EIF3E: variants seen among roughly 807,000 people sequenced by gnomAD.
The protein encoded by EIF3E is eIF-3 p48.
A neutral mutation model predicts 59.3 loss-of-function variants in EIF3E; 25 were observed. The observed-to-expected ratio is 0.42, with a 90% CI of 0.31 to 0.59. The LOEUF is 0.59. Ranked by LOEUF, EIF3E falls within the 20% of genes least tolerant of loss-of-function variation. The pLI, the probability that EIF3E is intolerant of heterozygous loss-of-function variation, is 0.15. For synonymous variants in EIF3E, 176 were observed against 170.2 expected (o/e 1.03, Z -0.26); for missense variants, 317 against 534.3 (o/e 0.59, Z 4.01).
intron 10 of EIF3E, among the ~76,000 whole-genome samples, chr8:108,203,799 G>A (rs1815040908): frequency 6.6e-6 from 1 of 151,964 alleles, no homozygotes; most frequent in African/African-American, 2.4e-5. Context: ...CATTTGCCAG[G>A]TGCTCAAGAA....
At position 108,228,313 on chromosome 8, in the gene EIF3E, G is replaced by T; in HGVS notation, c.676C>A (p.Pro226Thr). The change falls in exon 7 of 13, where the codon CCC becomes ACC. Residue 226 changes from proline to threonine, a missense_variant. By Grantham distance (38) the Pro-to-Thr change is conservative (BLOSUM62 -1). Coordinates refer to ENST00000220849, the MANE Select transcript of EIF3E (RefSeq NM_001568.3). ...HWSLFVFFNH[P>T]KGRDNIIDLF... is the part of the protein sequence containing the mutation. ...TCAATAATATTATCGCGACCTTTGG[G>T]GTGATTGAAGAAAACAAACAGAGAC... 1 of 1,608,730 alleles carries T rather than the reference G, an allele frequency of 6.2e-7. No homozygotes were observed. The highest frequency in any genetic ancestry group is 1.1e-5 in the South Asian group (1 of 90,440).
rs190608506 is a variant in EIF3E, at chr8:108,202,003, G to A, written c.1300-80C>T. ...AACTAACATAGAAGAAAGTAACACAGCATTTACTTCAGCACTATAGTCTCT... is the reference window on the plus strand; with the variant it reads ...AACTAACATAGAAGAAAGTAACACAACATTTACTTCAGCACTATAGTCTCT... On this transcript the variant is annotated intron_variant, in intron 12 of 12. Transcript: ENST00000220849. 1.2e-5 allele frequency: 16 copies of A among 1,316,414 alleles called. No homozygotes were observed. The East Asian group carries it at 4.2e-4, about 34-fold the overall frequency. The allele number at this position is 1,316,414 out of a possible 1,614,324, so 81.5% of individuals were successfully genotyped here.
chr8:108,248,709 A>G lies in EIF3E; in HGVS notation c.-7T>C, dbSNP rs1469930098. The G allele has an allele frequency of 5.0e-6, 8 of 1,614,026 alleles. No homozygotes were observed. In the Admixed American group the frequency reaches 8.3e-5, roughly 17 times the overall value. ...TCAAGTCGTACTCCGCCATCTTGCC[A>G]AAGAAAAGGGAGTCTGTGCTCACTA... On this transcript the variant is annotated 5_prime_UTR_variant, in exon 1 of 13. Coordinates refer to ENST00000220849, the MANE Select transcript of EIF3E (RefSeq NM_001568.3).
intron 3 of EIF3E, among the ~76,000 whole-genome samples, chr8:108,237,925 G>A (rs1437306229): frequency 2.6e-5 from 4 of 152,172 alleles, no homozygotes; most frequent in Non-Finnish European, 1.5e-5. Flanking sequence ...TTGAAAATAG[G>A]TAGTCTGTAA....
intron 5 of EIF3E, among the ~76,000 whole-genome samples, chr8:108,232,445 G>C (rs570223594): frequency 6.6e-6 from 1 of 152,198 alleles, no homozygotes; most frequent in African/African-American, 2.4e-5. Flanking sequence ...CACAAGATTT[G>C]TTAGGGGCAA....
intron 2 of EIF3E, among the ~76,000 whole-genome samples, chr8:108,241,307 A>T (rs1247272281): frequency 6.6e-6 from 1 of 152,188 alleles, no homozygotes; most frequent in Non-Finnish European, 1.5e-5. Context: ...ACCACTTAAC[A>T]GTTTTGATTA....
At chr8:108,216,214 A>G (rs781618025) in intron 9 of EIF3E, among the ~76,000 whole-genome samples, 198 bp downstream of exon 9, 8 of 152,212 alleles carry the variant, frequency 5.3e-5, no homozygotes, top group Admixed American at 3.3e-4. Flanking sequence ...GCACATTCCC[A>G]TTTTAAGATT....
intron 5 of EIF3E, 47 bp from the exon 6 acceptor site, chr8:108,229,242 A>G: frequency 6.3e-7 from 1 of 1,586,368 alleles, no homozygotes; most frequent in Non-Finnish European, 8.6e-7. Context: ...CTCTTGAAAA[A>G]TGAACATAAT....
chr8:108,240,921 A>G (rs1466573716), intron 2 of EIF3E, among the ~76,000 whole-genome samples: 1 of 152,068 alleles, frequency 6.6e-6, no homozygotes, highest in Non-Finnish European at 1.5e-5. Context: ...CGGAGCTTAC[A>G]GTGAGCCGAG....
intron 7 of EIF3E, among the ~76,000 whole-genome samples, chr8:108,223,908 G>A (rs6998870): frequency 0.013 from 1,944 of 151,326 alleles, 119 homozygotes; most frequent in African/African-American, 0.045. Flanking sequence ...GATCTCTAAC[G>A]TACTTTTATA....
chr8:108,231,540 G>A (rs1207410075), intron 5 of EIF3E, among the ~76,000 whole-genome samples: 1 of 152,080 alleles, frequency 6.6e-6, no homozygotes, highest in East Asian at 1.9e-4. Flanking sequence ...GGGAGGGAAA[G>A]AGACAGCTCC....
rs1336302491 is a variant in EIF3E at position 108,217,432 on chromosome 8, G to C, written c.751C>G (p.Pro251Ala). 2.5e-6 allele frequency: 4 copies of C among 1,602,720 alleles called. No homozygotes were observed. In the East Asian group the frequency reaches 9.0e-5, roughly 36 times the overall value. The change falls in exon 8 of 13, where the codon CCA becomes GCA. Residue 251 changes from proline (P) to alanine (A), a missense_variant. Pro to Ala is a conservative substitution (Grantham distance 27). Around this residue, in one of 4 missense-constraint regions of EIF3E, gnomAD observed 242 missense variants for 398.0 expected, o/e 0.61. Coordinates refer to ENST00000220849, the MANE Select transcript of EIF3E (RefSeq NM_001568.3). ...GTAGTCAAATAGCGAAGAATGTGTG[G>C]ACACATTGTCTGAATTGCATTAAGA... ...QYLNAIQTMCPHILRYLTTAV... is the reference protein window; with the variant it reads ...QYLNAIQTMCAHILRYLTTAV...
At chr8:108,231,528 G>C (rs189151071) in intron 5 of EIF3E, among the ~76,000 whole-genome samples, 1 of 152,218 alleles carries the variant, frequency 6.6e-6, no homozygotes, top group Admixed American at 6.5e-5. Flanking sequence ...TTTACATCCT[G>C]AGGGAGGGAA....
At chr8:108,235,372 C>A (rs545712011) in intron 4 of EIF3E, among the ~76,000 whole-genome samples, 1 of 152,328 alleles carries the variant, frequency 6.6e-6, no homozygotes, top group East Asian at 1.9e-4. Flanking sequence ...AACTGTTCCA[C>A]CTCAGATCAT....
chr8:108,224,638 GTCA>G (rs1815485715), intron 7 of EIF3E, among the ~76,000 whole-genome samples: 1 of 151,572 alleles, frequency 6.6e-6, no homozygotes, highest in African/African-American at 2.4e-5. Flanking sequence ...ACAACTAAAA[GTCA>G]TCATACTACT....
intron 2 of EIF3E, 119 bp from the exon 3 acceptor site, chr8:108,240,194 C>G: frequency 1.2e-6 from 1 of 810,396 alleles, no homozygotes; most frequent in Non-Finnish European, 2.2e-6. Context: ...TATTTACCCC[C>G]AATATATTCA....
At chr8:108,238,936 C>A (rs1586209469) in intron 3 of EIF3E, among the ~76,000 whole-genome samples, 2 of 152,178 alleles carry the variant, frequency 1.3e-5, no homozygotes, top group East Asian at 3.9e-4. Flanking sequence ...AGACTTCCAC[C>A]CGTGACATGT....
In EIF3E at chr8:108,228,355, T is replaced by C; in HGVS notation, c.634A>G (p.Thr212Ala). Residue 212 changes from threonine to alanine, a missense_variant, in exon 7 of 13, where the codon ACA (threonine) becomes GCA (alanine). By Grantham distance (58) the Thr-to-Ala change is moderately conservative. Around this residue, in one of 4 missense-constraint regions of EIF3E, gnomAD observed 242 missense variants for 398.0 expected, o/e 0.61. Coordinates refer to ENST00000220849, the MANE Select transcript of EIF3E (RefSeq NM_001568.3). ...AACAGAGACCAGTGAATGAGCCATG[T>C]TCTCTGCTGAAGAGACTGAAGTGGA... ...SSPLQSLQQR[T>A]WLIHWSLFVF... 5 of 1,605,298 alleles carry C rather than the reference T, an allele frequency of 3.1e-6. No individual in the cohort carries two copies. Among genetic ancestry groups the C allele is most frequent in the South Asian group, 1.1e-5 (1 of 89,802 alleles).
chr8:108,212,864 T>C (rs1436267949), intron 10 of EIF3E, among the ~76,000 whole-genome samples: 1 of 134,360 alleles, frequency 7.4e-6, no homozygotes, highest in Non-Finnish European at 1.7e-5. Flanking sequence ...TTAATCATCT[T>C]AGTAAAACAT....
Sources: allele counts gnomAD v4.1 joint callset (sites outside exome capture counted in the v4.1 genomes callset), GRCh38; gene constraint gnomAD v4.1.1; regional missense constraint gnomAD v4.1.1; transcripts MANE v1.5; gene names NCBI Gene and HGNC (gene_info 2026-07-23, HGNC 2026-07-21).